The following KALRN variants were observed in gnomAD, a reference collection of about 807,000 sequenced individuals.
The protein encoded by KALRN is kalirin.
A neutral mutation model predicts 353.7 loss-of-function variants in KALRN; 70 were observed. That is an observed-to-expected ratio of 0.20 (90% CI 0.16 to 0.24). The LOEUF is 0.24. Ranked by LOEUF, KALRN falls within the 10% of genes least tolerant of loss-of-function variation. KALRN has a pLI of 1.00. For synonymous variants in KALRN, 1,391 were observed against 1,434.8 expected, an observed-to-expected ratio of 0.97 and a Z score of 0.69; for missense variants, 2,791 against 3,756.7, an observed-to-expected ratio of 0.74 and a Z score of 6.72.
chr3:124,666,982 T>G (rs773423823), intron 46 of KALRN, 30 bp from the exon 47 acceptor site: 1 of 1,568,636 alleles, frequency 6.4e-7, no homozygotes, highest in Non-Finnish European at 8.7e-7. Flanking sequence ...ATCTTTTAAA[T>G]GTAAAAAGGA....
chr3:124,604,034 A>T (rs2077068008), intron 34 of KALRN, among the ~76,000 whole-genome samples: 2 of 152,132 alleles, frequency 1.3e-5, no homozygotes. Flanking sequence ...GGATTCTATC[A>T]CCGAGAGATC....
At chr3:124,535,272 A>T (rs1031009116) in intron 33 of KALRN, among the ~76,000 whole-genome samples, 2 of 152,222 alleles carry the variant, frequency 1.3e-5, no homozygotes, top group African/African-American at 4.8e-5. Flanking sequence ...TTATGTACAG[A>T]TATGCTCACA....
chr3:124,411,746 T>C (rs2092180082), intron 13 of KALRN, among the ~76,000 whole-genome samples: 1 of 152,190 alleles, frequency 6.6e-6, no homozygotes, highest in Admixed American at 6.5e-5. Context: ...GCACCCAGGC[T>C]AAATTATCTT....
chr3:124,533,957 G>T (rs1428488537), intron 33 of KALRN, among the ~76,000 whole-genome samples: 1 of 152,190 alleles, frequency 6.6e-6, no homozygotes, highest in Non-Finnish European at 1.5e-5. Flanking sequence ...AACATCAACA[G>T]TGAGAGGTCA....
chr3:124,626,607 A>G (rs1320140284), intron 34 of KALRN, among the ~76,000 whole-genome samples: 2 of 152,200 alleles, frequency 1.3e-5, no homozygotes, highest in East Asian at 3.8e-4. Context: ...ACTTAATGCC[A>G]GTCATTGGTC....
At chr3:124,696,477 A>G (rs537653676) in intron 54 of KALRN, among the ~76,000 whole-genome samples, 21 of 152,278 alleles carry the variant, frequency 1.4e-4, no homozygotes, top group African/African-American at 5.1e-4. Flanking sequence ...TGTTTTCTAC[A>G]ATACTTTTTA....
chr3:124,423,005 C>T (rs775350346), intron 15 of KALRN, 27 bp downstream of exon 15: 2 of 1,607,398 alleles, frequency 1.2e-6, no homozygotes, highest in Admixed American at 3.3e-5. Flanking sequence ...TTCCTTCAGC[C>T]TGGGTTTCTC....
At chr3:124,418,301 A>G (rs2092611976) in intron 14 of KALRN, among the ~76,000 whole-genome samples, 1 of 152,200 alleles carries the variant, frequency 6.6e-6, no homozygotes, top group African/African-American at 2.4e-5. Flanking sequence ...ACTTCTTAAA[A>G]ATACCAATGT....
intron 1 of KALRN, among the ~76,000 whole-genome samples, chr3:124,146,350 A>G (rs1410218238): frequency 6.6e-6 from 1 of 152,220 alleles, no homozygotes; most frequent in Non-Finnish European, 1.5e-5. Context: ...TCTAAAAATT[A>G]AAAAATTGGA....
At chr3:124,626,778 T>C (rs1324755237) in intron 34 of KALRN, among the ~76,000 whole-genome samples, 1 of 152,186 alleles carries the variant, frequency 6.6e-6, no homozygotes, top group Non-Finnish European at 1.5e-5. Context: ...CTCCCTTCTA[T>C]AATAATGGTA....
In KALRN at chr3:124,413,539, C is replaced by G. The variant is rs1239392325; in HGVS notation, c.2416C>G (p.Leu806Val). ...GATGAATGACTTCAACACAGAGGAC[C>G]TAACCCTGGCAGAACAGCGGCTGCA... ...RQMNDFNTED[L>V]TLAEQRLQRH... is the part of the protein sequence containing the mutation. Residue 806 changes from leucine (L) to valine (V), a missense_variant, in exon 14 of 60, where the codon CTA (leucine) becomes GTA (valine). Physicochemically the swap from Leu to Val is conservative, Grantham distance 32. Transcript: ENST00000682506. 6.2e-7 allele frequency: 1 copy of G among 1,614,142 alleles called. No individual in the cohort carries two copies. The highest frequency in any genetic ancestry group is 1.1e-5 in the South Asian group (1 of 91,072).
intron 4 of KALRN, among the ~76,000 whole-genome samples, chr3:124,266,462 C>T (rs970413430): frequency 1.1e-4 from 16 of 152,034 alleles, no homozygotes; most frequent in Non-Finnish European, 1.6e-4. Flanking sequence ...GTATATGTTT[C>T]CCCTGAGAAT....
intron 34 of KALRN, among the ~76,000 whole-genome samples, chr3:124,582,638 T>C (rs909748463): frequency 2.6e-5 from 4 of 152,142 alleles, no homozygotes; most frequent in African/African-American, 7.2e-5. Flanking sequence ...AGATAGTATA[T>C]GGAGAACATG....
intron 6 of KALRN, among the ~76,000 whole-genome samples, chr3:124,304,127 AACACACACACACAC>A (rs3055892): frequency 6.8e-6 from 1 of 147,390 alleles, no homozygotes; most frequent in African/African-American, 2.5e-5. Flanking sequence ...TTTTGTTGTA[AACACACACACACAC>A]ACACACACAC....
At chr3:124,192,199 A>T (rs2074991453) in intron 1 of KALRN, among the ~76,000 whole-genome samples, 1 of 152,218 alleles carries the variant, frequency 6.6e-6, no homozygotes, top group Non-Finnish European at 1.5e-5. Context: ...ATCTGATATG[A>T]TTGGTGTCCT....
intron 1 of KALRN, among the ~76,000 whole-genome samples, chr3:124,088,126 A>G (rs1375621657): frequency 2.0e-5 from 3 of 151,638 alleles, no homozygotes; most frequent in Non-Finnish European, 2.9e-5. Flanking sequence ...TTTTTTCCCC[A>G]TGGGTATCAT....
intron 10 of KALRN, among the ~76,000 whole-genome samples, chr3:124,356,471 T>G (rs552879676): frequency 6.6e-6 from 1 of 151,928 alleles, no homozygotes; most frequent in East Asian, 1.9e-4. Context: ...GTAGCTGGGA[T>G]TACAGGTGCC....
At chr3:124,287,732 T>G (rs893383421) in intron 5 of KALRN, among the ~76,000 whole-genome samples, 1 of 113,144 alleles carries the variant, frequency 8.8e-6, no homozygotes, top group East Asian at 2.6e-4. Context: ...CCTGGAGAGC[T>G]TCTATGGAAT....
intron 51 of KALRN, among the ~76,000 whole-genome samples, chr3:124,691,158 G>A (rs919868808): frequency 6.6e-6 from 1 of 152,148 alleles, no homozygotes; most frequent in Non-Finnish European, 1.5e-5. Context: ...TCCGGGCGTG[G>A]TGGTTCATGC....
Sources: gnomAD v4.1 joint callset for allele counts (sites outside exome capture counted in the v4.1 genomes callset) on GRCh38, gnomAD v4.1.1 for gene constraint, MANE v1.5 for transcripts, NCBI Gene and HGNC (gene_info 2026-07-23, HGNC 2026-07-21) for gene names.